The following DNAJC7 variants were observed in gnomAD, a reference collection of about 807,000 sequenced individuals.
DNAJC7 encodes dnaJ homolog subfamily C member 7.
Under a neutral mutation model 67.4 loss-of-function variants are expected in DNAJC7, and 18 were observed. The ratio of observed to expected loss-of-function variants is 0.27; its 90% confidence interval spans 0.18 to 0.40. The LOEUF (loss-of-function observed/expected upper bound fraction) is 0.40. Among genes scored for constraint, DNAJC7 ranks in the 10% least tolerant of loss-of-function variants. DNAJC7 has a pLI of 1.00. For synonymous variants in DNAJC7, 220 were observed against 207.8 expected (o/e 1.06, Z -0.50); for missense variants, 419 against 613.8 (o/e 0.68, Z 3.35).
intron 5 of DNAJC7, 107 bp from the exon 6 acceptor site, chr17:41,990,489 G>T: frequency 1.1e-6 from 1 of 876,472 alleles, no homozygotes; most frequent in Non-Finnish European, 1.8e-6. Context: ...GAGGTCTTTG[G>T]GTCCACTTCT....
intron 5 of DNAJC7, among the ~76,000 whole-genome samples, chr17:41,993,390 C>T (rs1382414864): frequency 9.9e-5 from 15 of 152,062 alleles, no homozygotes; most frequent in Admixed American, 6.6e-4. Flanking sequence ...ACCCAGGAGG[C>T]GGAGCTTGCA....
intron 10 of DNAJC7, among the ~76,000 whole-genome samples, chr17:41,982,937 G>C (rs2051287223): frequency 6.6e-6 from 1 of 151,050 alleles, no homozygotes; most frequent in South Asian, 2.1e-4. Context: ...TCCAGCCTGG[G>C]TGACAGAGCA....
intron 5 of DNAJC7, among the ~76,000 whole-genome samples, chr17:41,992,046 G>A (rs2051521661): frequency 6.6e-6 from 1 of 152,198 alleles, no homozygotes; most frequent in Non-Finnish European, 1.5e-5. Context: ...ATATGAGCAA[G>A]TCAGTAAACA....
At chr17:41,989,034 G>C (rs1466961856) in intron 7 of DNAJC7, 138 bp from the exon 8 acceptor site, 1 of 1,024,424 alleles carries the variant, frequency 9.8e-7, no homozygotes, top group African/African-American at 1.6e-5. Flanking sequence ...CCCAATCTGG[G>C]CTATCTGTTG....
intron 1 of DNAJC7, among the ~76,000 whole-genome samples, chr17:42,006,410 G>A (rs1169602329): frequency 1.3e-5 from 2 of 151,214 alleles, no homozygotes; most frequent in African/African-American, 4.9e-5. Flanking sequence ...ATCCCAGGAG[G>A]CTGAGGCAGA....
intron 4 of DNAJC7, among the ~76,000 whole-genome samples, chr17:41,995,507 C>T (rs191634080): frequency 3.9e-5 from 6 of 152,240 alleles, no homozygotes; most frequent in Non-Finnish European, 7.4e-5. Context: ...ATTGTAATAC[C>T]GTATTTTTAC....
chr17:41,988,024 G>T, intron 8 of DNAJC7, 114 bp from the exon 9 acceptor site: 1 of 805,200 alleles, frequency 1.2e-6, no homozygotes, highest in African/African-American at 1.7e-5. Flanking sequence ...CCCCTTAAAT[G>T]TCATATTAAG....
Position 41,976,516 on chromosome 17 carries a change from C to T in DNAJC7, c.*217G>A. The stretch of plus-strand genomic sequence containing the variant: ...CAGTAAAACAAAAATTCACAAGCTG[C>T]CTCCCTGTCCACCCCCGCCTCCCTC... On this transcript the variant is annotated 3_prime_UTR_variant, in exon 14 of 14. Transcript: ENST00000457167. The T allele has an allele frequency of 1.9e-6, 1 of 532,640 alleles. No homozygotes were observed. The highest frequency in any genetic ancestry group is 2.7e-5 in the South Asian group (1 of 36,744). 33.0% of individuals were successfully genotyped at this position (532,640 alleles called of 1,614,324 possible).
At chr17:41,982,444 G>A in intron 10 of DNAJC7, 43 bp from the exon 11 acceptor site, 1 of 1,606,068 alleles carries the variant, frequency 6.2e-7, no homozygotes, top group South Asian at 1.1e-5. Flanking sequence ...TCTGACTCTG[G>A]TTTTTTCCTC....
At chr17:41,991,105 T>C (rs2051502417) in intron 5 of DNAJC7, among the ~76,000 whole-genome samples, 1 of 152,194 alleles carries the variant, frequency 6.6e-6, no homozygotes, top group South Asian at 2.1e-4. Flanking sequence ...TCATAAAGCA[T>C]CTCCATATAT....
At chr17:41,978,862 A>G (rs2051165316) in intron 12 of DNAJC7, among the ~76,000 whole-genome samples, 2 of 152,220 alleles carry the variant, frequency 1.3e-5, no homozygotes, top group Admixed American at 6.5e-5. Flanking sequence ...CCTGGGCGAC[A>G]GAGTGAGACT....
rs181740404 is a variant in DNAJC7 at position 42,012,520 on chromosome 17, A to G, written c.77+4820T>C. ...CAATTTGAAATCCCTCAAGTTTACCATAAGAAAGACTCCCTATAGAGATCA... is the reference window on the plus strand; with the variant it reads ...CAATTTGAAATCCCTCAAGTTTACCGTAAGAAAGACTCCCTATAGAGATCA... On this transcript the variant is annotated intron_variant, in intron 1 of 13. Coordinates refer to ENST00000457167, the MANE Select transcript of DNAJC7 (RefSeq NM_003315.4). 3.7e-4 allele frequency among the ~76,000 whole-genome samples: 57 copies of G among 152,330 alleles called. 2 individuals carry two copies. In the East Asian group the frequency reaches 0.01, roughly 28 times the overall value.
intron 12 of DNAJC7, among the ~76,000 whole-genome samples, chr17:41,980,019 GTAGGTCT>G (rs2051206550): frequency 6.6e-6 from 1 of 150,966 alleles, no homozygotes; most frequent in Admixed American, 6.6e-5. Context: ...GGAAGAGATG[GTAGGTCT>G]GTTCACCATT....
intron 5 of DNAJC7, among the ~76,000 whole-genome samples, chr17:41,991,813 G>A (rs2051516117): frequency 6.6e-6 from 1 of 152,100 alleles, no homozygotes; most frequent in Non-Finnish European, 1.5e-5. Context: ...ATGAGTAGTT[G>A]GGACTGCAGG....
At chr17:41,998,477 T>C (rs2051719779) in intron 2 of DNAJC7, among the ~76,000 whole-genome samples, 1 of 152,052 alleles carries the variant, frequency 6.6e-6, no homozygotes, top group Non-Finnish European at 1.5e-5. Context: ...CAACAATAAA[T>C]AAATAGGCTG....
At chr17:41,990,645 T>G (rs574806378) in intron 5 of DNAJC7, among the ~76,000 whole-genome samples, 47 of 152,198 alleles carry the variant, frequency 3.1e-4, no homozygotes, top group African/African-American at 1.1e-3. Flanking sequence ...CACAAGAATT[T>G]TATGAAATAG....
At chr17:41,977,060 G>T in intron 13 of DNAJC7, 1 of 662,248 alleles carries the variant, frequency 1.5e-6, no homozygotes, top group Non-Finnish European at 2.6e-6. Flanking sequence ...AGATGCGGTG[G>T]CTAAAGGTCC....
At chr17:42,012,342 G>C (rs369484542) in intron 1 of DNAJC7, among the ~76,000 whole-genome samples, 29 of 152,308 alleles carry the variant, frequency 1.9e-4, no homozygotes, top group African/African-American at 6.7e-4. Flanking sequence ...AATTAGCTGG[G>C]TGTGGTGGCA....
chr17:41,983,045 A>G (rs2051290193), intron 10 of DNAJC7, among the ~76,000 whole-genome samples: 1 of 152,150 alleles, frequency 6.6e-6, no homozygotes, highest in Non-Finnish European at 1.5e-5. Flanking sequence ...AAATGAAATG[A>G]AAACGACAGG....
Sources: allele counts gnomAD v4.1 joint callset (sites outside exome capture counted in the v4.1 genomes callset), GRCh38; gene constraint gnomAD v4.1.1; transcripts MANE v1.5; gene names NCBI Gene and HGNC (gene_info 2026-07-23, HGNC 2026-07-21).